ATP2B2: variants seen among roughly 807,000 people sequenced by gnomAD.
ATP2B2 encodes plasma membrane calcium-transporting ATPase 2.
A neutral mutation model predicts 120.0 loss-of-function variants in ATP2B2; 15 were observed. The ratio of observed to expected loss-of-function variants is 0.12; its 90% CI spans 0.08 to 0.19. The LOEUF (loss-of-function observed/expected upper bound fraction) is 0.19. ATP2B2 is among the 10% of genes least tolerant of loss of function. The pLI is 1.00. For missense variants in ATP2B2, 1,045 were observed against 1,719.8 expected, an observed-to-expected ratio of 0.61 and a Z score of 6.94; for synonymous variants, 694 against 700.3, an observed-to-expected ratio of 0.99 and a Z score of 0.14.
intron 1 of ATP2B2, among the ~76,000 whole-genome samples, chr3:10,451,378 T>G (rs2125190913): frequency 7.3e-6 from 1 of 137,004 alleles, no homozygotes; most frequent in Admixed American, 6.9e-5. Context: ...GTTCCTTCAG[T>G]TTTTGGAGCC....
chr3:10,561,388 C>T (rs1262936414), intron 2 of ATP2B2, among the ~76,000 whole-genome samples: 1 of 152,178 alleles, frequency 6.6e-6, no homozygotes, highest in East Asian at 1.9e-4. Context: ...TGGTTAACCC[C>T]CCAGCGGTCC....
chr3:10,500,254 T>C (rs1444402798), intron 1 of ATP2B2, among the ~76,000 whole-genome samples: 1 of 152,094 alleles, frequency 6.6e-6, no homozygotes, highest in Non-Finnish European at 1.5e-5. Context: ...GGGCACATTC[T>C]TAATGTCTCT....
intron 2 of ATP2B2, among the ~76,000 whole-genome samples, chr3:10,584,443 T>G (rs1230480481): frequency 3.9e-5 from 6 of 152,124 alleles, no homozygotes; most frequent in Non-Finnish European, 7.4e-5. Context: ...CCATGGAGGC[T>G]CTACAGGTGC....
At chr3:10,445,823 C>T (rs1288531648) in intron 2 of ATP2B2, among the ~76,000 whole-genome samples, 1 of 152,172 alleles carries the variant, frequency 6.6e-6, no homozygotes, top group Non-Finnish European at 1.5e-5. Flanking sequence ...AAACTGAGTC[C>T]CTGTGTCTGG....
chr3:10,382,731 A>G (rs991475157), intron 8 of ATP2B2, among the ~76,000 whole-genome samples: 1 of 152,172 alleles, frequency 6.6e-6, no homozygotes, highest in Non-Finnish European at 1.5e-5. Context: ...CTAGTAATGT[A>G]AAAGAAAAAT....
At chr3:10,600,362 GC>G (rs1365157545) in intron 2 of ATP2B2, among the ~76,000 whole-genome samples, 1 of 152,110 alleles carries the variant, frequency 6.6e-6, no homozygotes, top group Non-Finnish European at 1.5e-5. Context: ...CTCTGTGCCC[GC>G]CCCTTGCTCA....
chr3:10,655,255 A>C (rs2070586124), intron 1 of ATP2B2, among the ~76,000 whole-genome samples: 1 of 150,602 alleles, frequency 6.6e-6, no homozygotes, highest in Non-Finnish European at 1.5e-5. Context: ...AACCCCCTCC[A>C]CTCTCCTCCC....
Position 10,639,145 on chromosome 3 carries a change from A to G in ATP2B2, c.-459-19184T>C, listed in dbSNP as rs974356825. 1.7e-4 allele frequency among the ~76,000 whole-genome samples: 26 copies of G among 152,200 alleles called. 2 individuals are homozygous for G. On this transcript the variant is annotated intron_variant, in intron 1 of 21. Transcript: ENST00000646379. ...AAGCACCATCCATAAAAGAACAAATAGATAAATTGGGCTTCATCAAAATTT... is the reference window on the plus strand; with the variant it reads ...AAGCACCATCCATAAAAGAACAAATGGATAAATTGGGCTTCATCAAAATTT...
intron 1 of ATP2B2, among the ~76,000 whole-genome samples, chr3:10,504,360 C>T (rs909807057): frequency 1.6e-4 from 25 of 152,332 alleles, no homozygotes; most frequent in African/African-American, 5.8e-4. Flanking sequence ...CTCCTCCCAG[C>T]GATTCGGAGA....
intron 11 of ATP2B2, among the ~76,000 whole-genome samples, chr3:10,373,659 C>T (rs9879311): frequency 0.61 from 93,158 of 152,104 alleles, 29,332 homozygotes; most frequent in East Asian, 0.99. Context: ...GGGTTAAGTA[C>T]ATTATTAAAA....
intron 2 of ATP2B2, among the ~76,000 whole-genome samples, chr3:10,594,852 C>T (rs1449800160): frequency 2.0e-5 from 3 of 152,140 alleles, no homozygotes; most frequent in Admixed American, 6.5e-5. Flanking sequence ...GGTATCATCA[C>T]CCCCATTTTA....
chr3:10,488,005 C>G (rs530367830), intron 1 of ATP2B2, among the ~76,000 whole-genome samples: 2 of 152,252 alleles, frequency 1.3e-5, no homozygotes, highest in Non-Finnish European at 2.9e-5. Flanking sequence ...TTCTGTCCCT[C>G]CATCCTTTTG....
intron 3 of ATP2B2, among the ~76,000 whole-genome samples, chr3:10,519,095 G>A (rs983390706): frequency 6.6e-6 from 1 of 152,214 alleles, no homozygotes; most frequent in African/African-American, 2.4e-5. Context: ...GTATCATCAT[G>A]CCAATTTTGT....
chr3:10,700,650 C>T (rs766066839), intron 1 of ATP2B2, among the ~76,000 whole-genome samples: 1 of 152,234 alleles, frequency 6.6e-6, no homozygotes, highest in African/African-American at 2.4e-5. Context: ...CATCTCCAAA[C>T]AAGTTGTGAT....
chr3:10,491,279 G>A (rs1272709492), intron 1 of ATP2B2, among the ~76,000 whole-genome samples: 1 of 148,602 alleles, frequency 6.7e-6, no homozygotes, highest in Admixed American at 6.7e-5. Context: ...AGGCTGGAGT[G>A]TAGTGGCACC....
chr3:10,363,452 C>T (rs1471407605), intron 12 of ATP2B2, among the ~76,000 whole-genome samples: 2 of 152,206 alleles, frequency 1.3e-5, no homozygotes, highest in African/African-American at 4.8e-5. Flanking sequence ...TGGGACTGCC[C>T]CAGAGCCCCT....
intron 1 of ATP2B2, among the ~76,000 whole-genome samples, chr3:10,490,353 T>C (rs1261522968): frequency 6.6e-6 from 1 of 151,262 alleles, no homozygotes; most frequent in Non-Finnish European, 1.5e-5. Flanking sequence ...TGTAATCAAA[T>C]AAGTCAAGCA....
chr3:10,677,589 A>G (rs1470371041), intron 1 of ATP2B2, among the ~76,000 whole-genome samples: 1 of 152,170 alleles, frequency 6.6e-6, no homozygotes, highest in Non-Finnish European at 1.5e-5. Context: ...TGTAATACAT[A>G]TATCACTCTG....
At chr3:10,403,504 C>T (rs1217861865) in intron 3 of ATP2B2, among the ~76,000 whole-genome samples, 2 of 152,254 alleles carry the variant, frequency 1.3e-5, no homozygotes, top group African/African-American at 4.8e-5. Context: ...CCTTCCACGC[C>T]CCTCTCTCAT....
Sources: gnomAD v4.1 joint callset for allele counts (sites outside exome capture counted in the v4.1 genomes callset) on GRCh38, gnomAD v4.1.1 for gene constraint, MANE v1.5 for transcripts, NCBI Gene and HGNC (gene_info 2026-07-23, HGNC 2026-07-21) for gene names.